Variants in CA10 observed in about 807,000 individuals in gnomAD.
CA10 encodes carbonic anhydrase-related protein 10.
In CA10, 14 loss-of-function variants were observed where a neutral mutation model predicts 44.2. The observed-to-expected ratio is 0.32, with a 90% CI of 0.21 to 0.50. The LOEUF (loss-of-function observed/expected upper bound fraction) is 0.50. CA10 is among the 20% of genes least tolerant of loss of function. The pLI is 0.99. For missense variants in CA10, 350 were observed against 409.7 expected, an observed-to-expected ratio of 0.85 and a Z score of 1.26; for synonymous variants, 159 against 141.6, an observed-to-expected ratio of 1.12 and a Z score of -0.87.
At chr17:51,720,987 T>C (rs1916332066) in intron 4 of CA10, among the ~76,000 whole-genome samples, 1 of 152,160 alleles carries the variant, frequency 6.6e-6, no homozygotes, top group South Asian at 2.1e-4. Context: ...GATCAAAACA[T>C]CACATTGTAT....
At chr17:52,146,703 AAAAAAT>A (rs148706876) in intron 1 of CA10, among the ~76,000 whole-genome samples, 32,763 of 150,750 alleles carry the variant, frequency 0.22, 4,338 homozygotes, top group East Asian at 0.39. Context: ...AATAAATATA[AAAAAAT>A]AAAAATAAAA....
intron 1 of CA10, among the ~76,000 whole-genome samples, chr17:52,151,330 C>A (rs182948261): frequency 2.5e-3 from 376 of 152,048 alleles, no homozygotes; most frequent in African/African-American, 8.6e-3. Flanking sequence ...TGTCTATGAA[C>A]ATACTATTCT....
chr17:51,960,722 T>G (rs966788277), intron 2 of CA10, among the ~76,000 whole-genome samples: 4 of 152,170 alleles, frequency 2.6e-5, no homozygotes, highest in African/African-American at 9.6e-5. Context: ...AACAGATATT[T>G]AAAAACCTCT....
chr17:52,110,221 A>G lies in CA10; in HGVS notation c.62-37828T>C, dbSNP rs76222695. Reference sequence around the variant, plus strand: ...CATAACCTTTCTTCCATTCTCTGATAATAGCTTTTCATTTGCTTTCTCTGC... The same window carrying G: ...CATAACCTTTCTTCCATTCTCTGATGATAGCTTTTCATTTGCTTTCTCTGC... On this transcript the variant is annotated intron_variant, in intron 1 of 8. Coordinates refer to ENST00000451037, the MANE Select transcript of CA10 (RefSeq NM_020178.5). 8.8e-3 allele frequency among the ~76,000 whole-genome samples: 1,344 copies of G among 152,302 alleles called. 11 individuals are homozygous for G. Among genetic ancestry groups the G allele is most frequent in the Non-Finnish European group, 0.015 (1,019 of 68,030 alleles).
At chr17:52,123,371 G>GGGGTGTGTGTGTGTGT (rs1555568608) in intron 1 of CA10, among the ~76,000 whole-genome samples, 1 of 146,244 alleles carries the variant, frequency 6.8e-6, no homozygotes, top group African/African-American at 2.6e-5. Flanking sequence ...ATATATATGG[G>GGGGTGTGTGTGTGTGT]GTGTGTGTGT....
At chr17:52,115,696 T>C (rs1988880043) in intron 1 of CA10, among the ~76,000 whole-genome samples, 1 of 152,212 alleles carries the variant, frequency 6.6e-6, no homozygotes, top group Admixed American at 6.5e-5. Flanking sequence ...CTGGGGCACA[T>C]GGCCCAAGGG....
At chr17:52,134,816 T>C (rs906810442) in intron 1 of CA10, 4 of 515,406 alleles carry the variant, frequency 7.8e-6, no homozygotes, top group Non-Finnish European at 1.6e-5. Flanking sequence ...CCTGGCACCA[T>C]GGATGTCACT....
intron 1 of CA10, among the ~76,000 whole-genome samples, chr17:52,134,237 A>G (rs1989302094): frequency 1.3e-5 from 2 of 152,228 alleles, no homozygotes; most frequent in South Asian, 2.1e-4. Context: ...AACTTCTTCA[A>G]GAAATAATCC....
At chr17:51,878,928 G>A (rs1232149870) in intron 3 of CA10, among the ~76,000 whole-genome samples, 2 of 129,774 alleles carry the variant, frequency 1.5e-5, no homozygotes, top group Non-Finnish European at 3.2e-5. Flanking sequence ...GTGTATGTGT[G>A]TTTGTGTATA....
In CA10 at chr17:51,969,069, G is replaced by T. The variant is rs1984183857; in HGVS notation, c.137-37937C>A. ...AGCTTTGATAAGAAAGAAAACAAAA[G>T]CCCACATATATTTGGATAAAGTGCA... On this transcript the variant is annotated intron_variant, in intron 2 of 8. Transcript: ENST00000451037. Among the ~76,000 whole-genome samples the T allele has an allele frequency of 2.0e-5, 3 of 151,800 alleles. No individual in the cohort carries two copies. The South Asian group carries it at 6.2e-4, about 32-fold the overall frequency.
chr17:52,024,566 G>A (rs1159566265), intron 2 of CA10, among the ~76,000 whole-genome samples: 1 of 151,938 alleles, frequency 6.6e-6, no homozygotes, highest in Admixed American at 6.6e-5. Flanking sequence ...GCAGAGGAAG[G>A]GAGCCAGGTG....
At chr17:52,097,115 A>G (rs958291985) in intron 1 of CA10, among the ~76,000 whole-genome samples, 2 of 151,908 alleles carry the variant, frequency 1.3e-5, no homozygotes, top group Non-Finnish European at 2.9e-5. Flanking sequence ...TCCCATTTTT[A>G]AAAAATCTAG....
chr17:52,148,610 C>T (rs935988241), intron 1 of CA10, among the ~76,000 whole-genome samples: 7 of 152,056 alleles, frequency 4.6e-5, no homozygotes, highest in African/African-American at 1.7e-4. Flanking sequence ...CTTCATCTCC[C>T]CTCCCTCATG....
chr17:51,864,811 T>TC (rs1291794517), intron 3 of CA10, among the ~76,000 whole-genome samples: 4 of 152,172 alleles, frequency 2.6e-5, no homozygotes, highest in Admixed American at 1.3e-4. Context: ...GGCTCACAAC[T>TC]CACTGCATGT....
intron 4 of CA10, among the ~76,000 whole-genome samples, chr17:51,678,361 TGTTAAA>T (rs1186518238): frequency 1.3e-5 from 2 of 152,146 alleles, no homozygotes; most frequent in African/African-American, 2.4e-5. Flanking sequence ...ACTTTTATAC[TGTTAAA>T]ATTAATTAAA....
intron 4 of CA10, among the ~76,000 whole-genome samples, chr17:51,742,292 T>C (rs781542911): frequency 6.6e-6 from 1 of 152,182 alleles, no homozygotes; most frequent in Non-Finnish European, 1.5e-5. Context: ...ATCCCAATCC[T>C]CATTTCCTCT....
At chr17:51,666,870 A>T (rs943940173) in intron 4 of CA10, among the ~76,000 whole-genome samples, 2 of 152,228 alleles carry the variant, frequency 1.3e-5, no homozygotes, top group Non-Finnish European at 2.9e-5. Context: ...AGAAGATTAT[A>T]AAAGATGACT....
At chr17:51,850,229 A>G (rs1244093827) in intron 3 of CA10, among the ~76,000 whole-genome samples, 1 of 152,240 alleles carries the variant, frequency 6.6e-6, no homozygotes, top group Non-Finnish European at 1.5e-5. Context: ...GCAGCATGGC[A>G]TATGTATAAA....
chr17:51,976,009 T>C (rs918746304), intron 2 of CA10, among the ~76,000 whole-genome samples: 1 of 151,950 alleles, frequency 6.6e-6, no homozygotes, highest in Non-Finnish European at 1.5e-5. Context: ...GAAGCCAATA[T>C]AGTTATATAG....
Sources: allele counts gnomAD v4.1 joint callset (sites outside exome capture counted in the v4.1 genomes callset), GRCh38; gene constraint gnomAD v4.1.1; transcripts MANE v1.5; gene names NCBI Gene and HGNC (gene_info 2026-07-23, HGNC 2026-07-21).